PCBP3: variants seen among roughly 807,000 people sequenced by gnomAD.
PCBP3 encodes the protein poly(rC)-binding protein 3.
PCBP3 carries 25 observed loss-of-function variants against 52.7 expected under a neutral mutation model. The ratio of observed to expected loss-of-function variants is 0.47; its 90% CI spans 0.35 to 0.66. The LOEUF is 0.66. Among genes scored for constraint, PCBP3 ranks in the 30% least tolerant of loss-of-function variants. PCBP3 has a pLI of 0.01. For missense variants in PCBP3, 391 were observed against 490.3 expected (o/e 0.80, Z 1.91); for synonymous variants, 162 against 183.0 (o/e 0.89, Z 0.93).
intron 1 of PCBP3, among the ~76,000 whole-genome samples, chr21:45,660,323 A>G (rs1039627031): frequency 6.6e-6 from 1 of 151,880 alleles, no homozygotes; most frequent in Non-Finnish European, 1.5e-5. Flanking sequence ...CATTGTATAT[A>G]TTTTTCCATG....
chr21:45,876,122 A>G (rs1238435175), intron 5 of PCBP3, among the ~76,000 whole-genome samples: 1 of 152,196 alleles, frequency 6.6e-6, no homozygotes, highest in Non-Finnish European at 1.5e-5. Context: ...GTGCAGCACC[A>G]GGGCACCGAT....
intron 5 of PCBP3, among the ~76,000 whole-genome samples, chr21:45,895,409 G>T (rs961148236): frequency 3.9e-5 from 6 of 152,278 alleles, no homozygotes; most frequent in Admixed American, 3.3e-4. Flanking sequence ...TGCCCTTCAG[G>T]GAAGGACTCG....
chr21:45,864,762 T>G (rs887497867), intron 5 of PCBP3, among the ~76,000 whole-genome samples: 4 of 152,258 alleles, frequency 2.6e-5, no homozygotes, highest in African/African-American at 9.6e-5. Flanking sequence ...CTTTCAGAGA[T>G]AAATATTTTA....
intron 5 of PCBP3, among the ~76,000 whole-genome samples, chr21:45,888,102 C>T (rs560225888): frequency 6.3e-4 from 96 of 152,322 alleles, no homozygotes; most frequent in African/African-American, 2.3e-3. Context: ...CTGTCCTGGC[C>T]GTGTACGAAT....
chr21:45,928,417 C>G lies in PCBP3; in HGVS notation c.718-1500C>G, dbSNP rs955206324. Among the ~76,000 whole-genome samples, 12 of 152,280 alleles carry G rather than the reference C, an allele frequency of 7.9e-5. No homozygotes were observed. Among genetic ancestry groups the G allele is most frequent in the Admixed American group, 6.5e-4 (10 of 15,304 alleles). ...CAGGCCCCCCGATCCTCCCAGGGTA[C>G]TAGGTACTGAGGAAGGAAGGGCCTT... On this transcript the variant is annotated intron_variant, in intron 13 of 17. Transcript: ENST00000681687. This position sits in a 1 kb window ranked among gnomAD's most constrained non-coding sequence, Gnocchi z 4.1.
At position 45,794,904 on chromosome 21, in the gene PCBP3, G is replaced by A. The variant is rs530294219; in HGVS notation, c.-126+39452G>A. Reference sequence around the variant, plus strand: ...AGATTGCGCCACTGCACTCCAGCCCGGGCGACAGAGCCAGACTCTGTCTCA... The same window carrying A: ...AGATTGCGCCACTGCACTCCAGCCCAGGCGACAGAGCCAGACTCTGTCTCA... On this transcript the variant is annotated intron_variant, in intron 4 of 17. Transcript: ENST00000681687. Among the ~76,000 whole-genome samples, 30 of 151,714 alleles carry A rather than the reference G, an allele frequency of 2.0e-4. 1 individual carries two copies. Among genetic ancestry groups the A allele is most frequent in the Middle Eastern group, 6.8e-3 (2 of 292 alleles).
At chr21:45,777,951 G>A (rs1160143397) in intron 4 of PCBP3, among the ~76,000 whole-genome samples, 1 of 143,014 alleles carries the variant, frequency 7.0e-6, no homozygotes, top group Non-Finnish European at 1.5e-5. Flanking sequence ...GAGAATTATT[G>A]TGTTCCTTTG....
rs140199990 is a variant in PCBP3 at position 45,794,885 on chromosome 21, C to T, written c.-126+39433C>T. ...CGGAGCTTGCAGTGAGCCGAGATTG[C>T]GCCACTGCACTCCAGCCCGGGCGAC... On this transcript the variant is annotated intron_variant, in intron 4 of 17. Transcript: ENST00000681687. Among the ~76,000 whole-genome samples the T allele has an allele frequency of 1.3e-3, 189 of 150,620 alleles. 2 individuals are homozygous for T. The highest frequency in any genetic ancestry group is 4.3e-3 in the African/African-American group (176 of 40,942).
At chr21:45,731,200 A>G (rs1441045756) in intron 2 of PCBP3, among the ~76,000 whole-genome samples, 8 of 152,174 alleles carry the variant, frequency 5.3e-5, no homozygotes. Context: ...GGGTGGGTTC[A>G]ATTGCTTGGC....
intron 3 of PCBP3, among the ~76,000 whole-genome samples, chr21:45,742,110 A>AT (rs768934073): frequency 4.2e-4 from 64 of 151,626 alleles, no homozygotes; most frequent in Non-Finnish European, 7.4e-4. Flanking sequence ...CTTTTTGTTT[A>AT]TTTTTTCTGA....
chr21:45,667,277 G>A (rs2080872603), intron 1 of PCBP3, among the ~76,000 whole-genome samples: 1 of 151,320 alleles, frequency 6.6e-6, no homozygotes, highest in Non-Finnish European at 1.5e-5. Flanking sequence ...CAAAATGTTG[G>A]GATTACAGGT....
At chr21:45,740,197 C>T (rs2086319568) in intron 3 of PCBP3, among the ~76,000 whole-genome samples, 1 of 152,184 alleles carries the variant, frequency 6.6e-6, no homozygotes, top group Non-Finnish European at 1.5e-5. Flanking sequence ...CCTTTCCTGC[C>T]CCTCAAGTGC....
intron 2 of PCBP3, among the ~76,000 whole-genome samples, chr21:45,711,243 TACTA>T (rs563816845): frequency 1.5e-4 from 23 of 152,370 alleles, no homozygotes; most frequent in Admixed American, 5.2e-4. Context: ...TATGTTTGTA[TACTA>T]ACTAACCTGT....
intron 11 of PCBP3, among the ~76,000 whole-genome samples, chr21:45,913,523 G>T (rs2096444045): frequency 6.6e-6 from 1 of 152,206 alleles, no homozygotes; most frequent in Admixed American, 6.5e-5. Flanking sequence ...GGGCCCCGGT[G>T]GAGGGGCCAG....
intron 2 of PCBP3, among the ~76,000 whole-genome samples, chr21:45,671,620 G>A (rs1025184622): frequency 2.6e-5 from 4 of 152,162 alleles, no homozygotes; most frequent in Admixed American, 2.6e-4. Flanking sequence ...GTAAGAGGGC[G>A]TTAGAAAGAA....
chr21:45,679,352 C>G (rs1056429934), intron 2 of PCBP3, among the ~76,000 whole-genome samples: 1 of 152,128 alleles, frequency 6.6e-6, no homozygotes, highest in African/African-American at 2.4e-5. Flanking sequence ...AACTTCTGAC[C>G]TCAAGTGGTC....
intron 5 of PCBP3, chr21:45,893,933 C>A: frequency 2.0e-6 from 2 of 985,384 alleles, no homozygotes; most frequent in Non-Finnish European, 2.4e-6. Context: ...GGACACTGGG[C>A]AGATGGCCAG....
chr21:45,889,305 G>A (rs547487684), intron 5 of PCBP3, among the ~76,000 whole-genome samples: 12 of 152,340 alleles, frequency 7.9e-5, no homozygotes, highest in Admixed American at 2.6e-4. Flanking sequence ...GCCTTCCTCC[G>A]ACTGCAAAAG....
chr21:45,725,439 C>A (rs2084954955), intron 2 of PCBP3, among the ~76,000 whole-genome samples: 1 of 152,208 alleles, frequency 6.6e-6, no homozygotes, highest in Non-Finnish European at 1.5e-5. Context: ...GCACAGATGC[C>A]CTGGGCCTCG....
Sources: gnomAD v4.1 joint callset for allele counts (sites outside exome capture counted in the v4.1 genomes callset) on GRCh38, gnomAD v4.1.1 for gene constraint, Gnocchi (gnomAD v3.1) non-coding constraint, MANE v1.5 for transcripts, NCBI Gene and HGNC (gene_info 2026-07-23, HGNC 2026-07-21) for gene names.